The following GFRA1 variants were observed in gnomAD, a reference collection of about 807,000 sequenced individuals.
GFRA1 encodes the protein GDNF family receptor alpha 1.
A neutral mutation model predicts 51.6 loss-of-function variants in GFRA1; 16 were observed. The ratio of observed to expected loss-of-function variants is 0.31; its 90% CI spans 0.21 to 0.47. The LOEUF is 0.47. Among genes scored for constraint, GFRA1 ranks in the 20% least tolerant of loss-of-function variants. GFRA1 has a pLI of 1.00. For missense variants in GFRA1, 530 were observed against 594.3 expected (o/e 0.89, Z 1.13); for synonymous variants, 270 against 241.3 (o/e 1.12, Z -1.10).
chr10:116,095,735 T>C (rs1956542775), intron 7 of GFRA1, among the ~76,000 whole-genome samples: 1 of 152,186 alleles, frequency 6.6e-6, no homozygotes, highest in Non-Finnish European at 1.5e-5. Flanking sequence ...GTCTGTGCTG[T>C]CATTCTCCGG....
At chr10:116,270,296 C>T (rs1358970909) in intron 3 of GFRA1, among the ~76,000 whole-genome samples, 1 of 152,170 alleles carries the variant, frequency 6.6e-6, no homozygotes, top group Admixed American at 6.5e-5. Context: ...TCTAAGATGA[C>T]AAATGGATTT....
intron 4 of GFRA1, among the ~76,000 whole-genome samples, chr10:116,212,197 C>G (rs1965243541): frequency 6.6e-6 from 1 of 151,868 alleles, no homozygotes; most frequent in Admixed American, 6.6e-5. Flanking sequence ...ACTAAATACC[C>G]TAAATGCCAA....
chr10:116,127,096 A>T (rs929028669), intron 5 of GFRA1, among the ~76,000 whole-genome samples: 1 of 17,822 alleles, frequency 5.6e-5, no homozygotes, highest in Non-Finnish European at 1.9e-4. Context: ...GCTGGAGAAG[A>T]AAATGAAAAA....
intron 4 of GFRA1, among the ~76,000 whole-genome samples, chr10:116,263,609 T>C (rs1167069815): frequency 6.6e-6 from 1 of 152,172 alleles, no homozygotes; most frequent in Non-Finnish European, 1.5e-5. Context: ...CTGTCTTGTC[T>C]ATGATACATG....
At chr10:116,186,187 A>G (rs946700124) in intron 5 of GFRA1, among the ~76,000 whole-genome samples, 2 of 152,310 alleles carry the variant, frequency 1.3e-5, no homozygotes, top group East Asian at 3.9e-4. Context: ...AGATGGCACC[A>G]GGCTTCACTG....
chr10:116,270,818 G>A lies in GFRA1; in HGVS notation c.334+4C>T, dbSNP rs1476659330. The A allele has an allele frequency of 2.5e-6, 4 of 1,609,584 alleles. No homozygotes were observed. Among genetic ancestry groups the A allele is most frequent in the Admixed American group, 3.3e-5 (2 of 59,948 alleles). On this transcript the variant is annotated splice_donor_region_variant and intron_variant, in intron 3 of 10. Coordinates refer to ENST00000355422, the MANE Select transcript of GFRA1 (RefSeq NM_005264.8). ...GGGGTGGGGTGGGGAGGTTCCACGC[G>A]TACCCTGCAGGCTCTGGTACATGCT...
intron 6 of GFRA1, among the ~76,000 whole-genome samples, chr10:116,111,592 C>T (rs1312202821): frequency 2.6e-5 from 4 of 152,156 alleles, no homozygotes; most frequent in African/African-American, 7.2e-5. Flanking sequence ...CCTGTGTCCT[C>T]CCCTAAGCCT....
chr10:116,266,520 C>T (rs1428305943), intron 4 of GFRA1, among the ~76,000 whole-genome samples: 1 of 152,224 alleles, frequency 6.6e-6, no homozygotes, highest in Admixed American at 6.5e-5. Context: ...AACACAGTCA[C>T]TGTCAGAGGT....
rs553541235 is a variant in GFRA1, at chr10:116,234,074, T to C, written c.419-22429A>G. ...TTGGGAGACGGCTGAACTGTACTTA[T>C]GTTTACAACCCTGATAAATGCAGGT... On this transcript the variant is annotated intron_variant, in intron 4 of 10. Transcript: ENST00000355422. 1.1e-4 allele frequency among the ~76,000 whole-genome samples: 16 copies of C among 152,354 alleles called. No homozygotes were observed. In the South Asian group the frequency reaches 3.1e-3, roughly 30 times the overall value.
chr10:116,187,019 T>G (rs975525113), intron 5 of GFRA1, among the ~76,000 whole-genome samples: 2 of 152,204 alleles, frequency 1.3e-5, no homozygotes, highest in Non-Finnish European at 2.9e-5. Flanking sequence ...AATTTTAATG[T>G]TAAAACTCAA....
chr10:116,174,412 G>A (rs372265895), intron 5 of GFRA1, among the ~76,000 whole-genome samples: 15 of 152,238 alleles, frequency 9.9e-5, no homozygotes, highest in East Asian at 5.8e-4. Context: ...TTTTAGTCAC[G>A]AGAATCATTC....
intron 9 of GFRA1, among the ~76,000 whole-genome samples, chr10:116,074,305 T>C (rs551029837): frequency 3.3e-4 from 51 of 152,294 alleles, no homozygotes; most frequent in Non-Finnish European, 4.7e-4. Context: ...AGGCTGTCCA[T>C]TATCTCCTAT....
At chr10:116,146,659 T>C (rs537371422) in intron 5 of GFRA1, among the ~76,000 whole-genome samples, 1 of 152,288 alleles carries the variant, frequency 6.6e-6, no homozygotes, top group South Asian at 2.1e-4. Flanking sequence ...CAGAAGTAAC[T>C]GGGAACCCTA....
intron 5 of GFRA1, among the ~76,000 whole-genome samples, chr10:116,133,488 A>G (rs1958191679): frequency 6.6e-6 from 1 of 152,106 alleles, no homozygotes; most frequent in Admixed American, 6.5e-5. Context: ...TGGGTTTTAA[A>G]TGTGGTCCAA....
intron 5 of GFRA1, among the ~76,000 whole-genome samples, chr10:116,196,751 T>TA (rs1963898116): frequency 1.1e-4 from 9 of 85,186 alleles, no homozygotes; most frequent in African/African-American, 3.5e-4. Flanking sequence ...ATATAATATA[T>TA]ATTATATATT....
At chr10:116,080,108 T>C (rs1213890316) in intron 9 of GFRA1, among the ~76,000 whole-genome samples, 1 of 152,120 alleles carries the variant, frequency 6.6e-6, no homozygotes, top group Non-Finnish European at 1.5e-5. Context: ...GACAGTGATA[T>C]CCAATTGCTG....
chr10:116,078,393 A>G (rs1380030435), intron 9 of GFRA1, among the ~76,000 whole-genome samples: 1 of 152,184 alleles, frequency 6.6e-6, no homozygotes, highest in East Asian at 1.9e-4. Flanking sequence ...ACTTGGAGCC[A>G]AGAAGATGAA....
chr10:116,118,282 C>T (rs2530348), intron 6 of GFRA1, among the ~76,000 whole-genome samples: 130,247 of 152,128 alleles, frequency 0.86, 57,857 homozygotes, highest in East Asian at 0.98. Flanking sequence ...CTAACTTGAT[C>T]GCAGCCACTA....
At chr10:116,266,077 T>C (rs1168855221) in intron 4 of GFRA1, among the ~76,000 whole-genome samples, 1 of 152,214 alleles carries the variant, frequency 6.6e-6, no homozygotes, top group African/African-American at 2.4e-5. Flanking sequence ...AACGGGCCAC[T>C]GATAATACCT....
Sources: allele counts gnomAD v4.1 joint callset (sites outside exome capture counted in the v4.1 genomes callset), GRCh38; gene constraint gnomAD v4.1.1; transcripts MANE v1.5; gene names NCBI Gene and HGNC (gene_info 2026-07-23, HGNC 2026-07-21).